The following CEP78 variants were observed in gnomAD, a reference collection of about 807,000 sequenced individuals.
CEP78 encodes the protein centrosomal protein of 78 kDa.
Under a neutral mutation model 81.2 loss-of-function variants are expected in CEP78, and 76 were observed. The ratio of observed to expected loss-of-function variants is 0.94; its 90% CI spans 0.78 to 1.13. The LOEUF is 1.13. Among genes scored for constraint, CEP78 ranks in the 50% most tolerant of loss-of-function variants. CEP78 has a pLI of 0.00. For missense variants in CEP78, 918 were observed against 846.8 expected, an observed-to-expected ratio of 1.08 and a Z score of -1.04; for synonymous variants, 293 against 301.4, an observed-to-expected ratio of 0.97 and a Z score of 0.29.
At position 78,265,362 on chromosome 9, in the gene CEP78, T is replaced by C. The variant is rs1326975144; in HGVS notation, c.1626-10T>C. 1.3e-6 allele frequency: 2 copies of C among 1,570,092 alleles called. No individual in the cohort carries two copies. Among genetic ancestry groups the C allele is most frequent in the Non-Finnish European group, 1.7e-6 (2 of 1,163,196 alleles). Reference sequence around the variant, plus strand: ...TCCTTGCCTTTTCCTCCTTTTCTTCTCTCGACCAGGCTTGGGCAGCTTGCC... The same window carrying C: ...TCCTTGCCTTTTCCTCCTTTTCTTCCCTCGACCAGGCTTGGGCAGCTTGCC... On this transcript the variant is annotated splice_polypyrimidine_tract_variant and intron_variant, in intron 13 of 16. Transcript: ENST00000643273.
chr9:78,253,126 A>C (rs957199356), intron 9 of CEP78, 106 bp from the exon 10 acceptor site: 4 of 657,036 alleles, frequency 6.1e-6, no homozygotes, highest in African/African-American at 5.4e-5. Context: ...CTCTATGCAC[A>C]GTTATGTATG....
chr9:78,263,482 A>G (rs1279518860), intron 12 of CEP78, among the ~76,000 whole-genome samples: 1 of 152,192 alleles, frequency 6.6e-6, no homozygotes, highest in Non-Finnish European at 1.5e-5. Context: ...CATAACTATA[A>G]TTTATTATTA....
chr9:78,265,650 A>G (rs1827492075), intron 14 of CEP78, 107 bp downstream of exon 14: 5 of 1,086,358 alleles, frequency 4.6e-6, no homozygotes, highest in East Asian at 5.2e-5. Flanking sequence ...CTCAGGGACC[A>G]GAAGCATCTT....
chr9:78,244,291 C>T (rs1390588703), intron 5 of CEP78, among the ~76,000 whole-genome samples: 1 of 151,964 alleles, frequency 6.6e-6, no homozygotes, highest in Non-Finnish European at 1.5e-5. Context: ...TGCACACCAC[C>T]ATGCCAGGCT....
chr9:78,249,914 A>G (rs987875395), intron 8 of CEP78: 1 of 190,730 alleles, frequency 5.2e-6, no homozygotes, highest in Non-Finnish European at 1.1e-5. Context: ...TACCCTGTAC[A>G]TTAAGATCAC....
chr9:78,238,191 T>G (rs1287650598), intron 1 of CEP78, among the ~76,000 whole-genome samples: 1 of 151,234 alleles, frequency 6.6e-6, no homozygotes, highest in Non-Finnish European at 1.5e-5. Flanking sequence ...TGGTGACTAG[T>G]TAGAAGAGGG....
rs575752369 is a variant in CEP78, at chr9:78,243,363, G to A, written c.604-99G>A. The A allele has an allele frequency of 3.2e-6, 3 of 931,346 alleles. No homozygotes were observed. The South Asian group carries it at 5.6e-5, about 17-fold the overall frequency. The allele number at this position is 931,346 out of a possible 1,614,324, so 57.7% of individuals were successfully genotyped here. On this transcript the variant is annotated intron_variant, in intron 4 of 16. Coordinates refer to ENST00000643273, the MANE Select transcript of CEP78 (RefSeq NM_001330691.3). ...CCCACCTGGCATATGTACCTGGTGT[G>A]TGTGTAAAGCTCTGATGTAATCAGC...
intron 1 of CEP78, among the ~76,000 whole-genome samples, chr9:78,237,955 CAAA>C (rs557546978): frequency 1.9e-5 from 2 of 106,112 alleles, no homozygotes; most frequent in Non-Finnish European, 3.7e-5. Flanking sequence ...ACTAAAAATA[CAAA>C]AAAAAAAAAA....
rs546610046 is a variant in CEP78 at position 78,257,655 on chromosome 9, A to C, written c.1380+2691A>C. ...GGAGGGAATCAAACTCCAGAGGAGAAAGTTCTGTTGGCATGAACATAAAAC... is the reference window on the plus strand; with the variant it reads ...GGAGGGAATCAAACTCCAGAGGAGACAGTTCTGTTGGCATGAACATAAAAC... On this transcript the variant is annotated intron_variant, in intron 11 of 16. Transcript: ENST00000643273. 2.6e-5 allele frequency among the ~76,000 whole-genome samples: 4 copies of C among 152,306 alleles called. No individual in the cohort carries two copies. The East Asian group carries it at 7.7e-4, about 29-fold the overall frequency.
At chr9:78,260,093 T>C (rs77073736) in intron 11 of CEP78, among the ~76,000 whole-genome samples, 4,600 of 152,276 alleles carry the variant, frequency 0.03, 241 homozygotes, top group African/African-American at 0.1. Flanking sequence ...GGAAGGTAAG[T>C]CAACAGAGTA....
chr9:78,241,432 C>T (rs559714443), intron 3 of CEP78, among the ~76,000 whole-genome samples: 1 of 152,174 alleles, frequency 6.6e-6, no homozygotes, highest in Non-Finnish European at 1.5e-5. Context: ...TAGAACTTTA[C>T]TGTGGTCTGG....
At position 78,270,788 on chromosome 9, in the gene CEP78, T is replaced by C. The variant is rs954116920; in HGVS notation, c.2108-53T>C. 17 of 658,204 alleles carry C rather than the reference T, an allele frequency of 2.6e-5. No homozygotes were observed. The Admixed American group carries it at 4.6e-4, about 18-fold the overall frequency. The allele number at this position is 658,204 out of a possible 1,614,324, so 40.8% of individuals were successfully genotyped here. ...TTTTTGAAAAATTCTGATTATAAACTACATGCTGGAACATTAACATGGATG... is the reference window on the plus strand; with the variant it reads ...TTTTTGAAAAATTCTGATTATAAACCACATGCTGGAACATTAACATGGATG... On this transcript the variant is annotated intron_variant, in intron 16 of 16. Transcript: ENST00000643273.
chr9:78,250,275 C>A, intron 8 of CEP78: 1 of 398,096 alleles, frequency 2.5e-6, no homozygotes, highest in South Asian at 1.3e-4. Context: ...TAAGCCAAAT[C>A]AGTGTCTGGC....
chr9:78,266,043 T>C (rs1827513138), intron 15 of CEP78, 137 bp downstream of exon 15: 17 of 603,652 alleles, frequency 2.8e-5, no homozygotes, highest in Non-Finnish European at 5.2e-5. Context: ...GCTTTTCCTC[T>C]GGCCTTACTT....
At chr9:78,258,644 G>C (rs142384138) in intron 11 of CEP78, among the ~76,000 whole-genome samples, 3 of 152,092 alleles carry the variant, frequency 2.0e-5, no homozygotes, top group Middle Eastern at 3.4e-3. Context: ...TCTAAAATCC[G>C]GTCATGTAGT....
rs1045342402 is a variant in CEP78, at chr9:78,266,558, T to C, written c.1962T>C (p.Thr654=). The C allele has an allele frequency of 6.2e-7, 1 of 1,613,866 alleles. No individual in the cohort carries two copies. Among genetic ancestry groups the C allele is most frequent in the Non-Finnish European group, 8.5e-7 (1 of 1,179,884 alleles). ...GCAACAACCTAGGAGTCCCAGCTAC[T>C]GAGCAGCGGCAGGAGTCTTTTGAAG... ...TSSNNLGVPA[T]EQRQESFEGF... is the part of the protein sequence containing the mutation. The change falls in exon 16 of 17, where the codon ACT becomes ACC. Residue 654 remains threonine (T), a synonymous_variant. Transcript: ENST00000643273.
rs745431960 is a variant in CEP78 at position 78,266,473 on chromosome 9, C to T, written c.1877C>T (p.Pro626Leu). Residue 626 changes from proline to leucine, a missense_variant, in exon 16 of 17, where the codon CCT becomes CTT. Physicochemically the swap from Pro to Leu is moderately conservative, Grantham distance 98. Transcript: ENST00000643273. ...AAAATTACAGGTGATGCTAGAATTCCTTTGCCTCTCGACTCCTTTCCTGTC... is the reference window on the plus strand; with the variant it reads ...AAAATTACAGGTGATGCTAGAATTCTTTTGCCTCTCGACTCCTTTCCTGTC... ...FQKITGDARI[P>L]LPLDSFPVPV... The T allele has an allele frequency of 3.7e-6, 6 of 1,609,078 alleles. No individual in the cohort carries two copies. Among genetic ancestry groups the T allele is most frequent in the Non-Finnish European group, 5.1e-6 (6 of 1,176,970 alleles).
chr9:78,267,202 C>A, intron 16 of CEP78: 1 of 457,484 alleles, frequency 2.2e-6, no homozygotes, highest in Non-Finnish European at 4.0e-6. Flanking sequence ...CAATTGTTTA[C>A]TGAGGGGCTA....
At chr9:78,240,405 G>A in intron 3 of CEP78, 41 bp downstream of exon 3, 1 of 1,469,890 alleles carries the variant, frequency 6.8e-7, no homozygotes, top group Non-Finnish European at 9.3e-7. Context: ...TATCAGGCTG[G>A]TTTCATGTTT....
Sources: allele counts gnomAD v4.1 joint callset (sites outside exome capture counted in the v4.1 genomes callset), GRCh38; gene constraint gnomAD v4.1.1; transcripts MANE v1.5; gene names NCBI Gene and HGNC (gene_info 2026-07-23, HGNC 2026-07-21).